The following STARD9 variants were observed in gnomAD, a reference collection of about 807,000 sequenced individuals.
STARD9 encodes stAR-related lipid transfer protein 9.
Under a neutral mutation model 399.8 loss-of-function variants are expected in STARD9, and 346 were observed. The observed-to-expected ratio is 0.87, with a 90% CI of 0.79 to 0.95. The LOEUF is 0.95. Ranked by LOEUF, STARD9 falls within the 40% of genes least tolerant of loss-of-function variation. The pLI is 0.00. For missense variants in STARD9, 5,832 were observed against 5,667.5 expected (o/e 1.03, Z -0.93); for synonymous variants, 2,203 against 2,143.5 (o/e 1.03, Z -0.77).
rs8031218 is a variant in STARD9 at position 42,690,142 on chromosome 15, C to G, written c.8564C>G (p.Thr2855Ser). The G allele has an allele frequency of 5.9e-6, 9 of 1,537,556 alleles. No homozygotes were observed. The highest frequency in any genetic ancestry group is 7.0e-6 in the Non-Finnish European group (8 of 1,146,996). ...EEGRASPKQD[T>S]ILPGALTRVA... The stretch of plus-strand genomic sequence containing the variant: ...GGTAGGGCAAGTCCCAAACAAGATA[C>G]CATTCTGCCTGGAGCTCTGACAAGG... The change falls in exon 23 of 33, where the codon ACC (threonine) becomes AGC (serine). Residue 2855 changes from threonine to serine, a missense_variant. Physicochemically the swap from Thr to Ser is moderately conservative, Grantham distance 58. Transcript: ENST00000290607.
At chr15:42,586,255 A>C (rs983119821) in intron 3 of STARD9, among the ~76,000 whole-genome samples, 2 of 152,206 alleles carry the variant, frequency 1.3e-5, no homozygotes, top group African/African-American at 4.8e-5. Context: ...TTGTCCTCCT[A>C]GGTAGAGTGG....
chr15:42,698,372 C>T (rs1159449296), intron 26 of STARD9, among the ~76,000 whole-genome samples: 3 of 152,174 alleles, frequency 2.0e-5, no homozygotes, highest in Non-Finnish European at 4.4e-5. Flanking sequence ...TTTACCTTTT[C>T]CCACACTCTC....
In STARD9 at chr15:42,675,841, C is replaced by T. The variant is rs79025289; in HGVS notation, c.1771-31C>T. The T allele has an allele frequency of 2.9e-4, 438 of 1,534,712 alleles. 4 individuals are homozygous for T. The African/African-American group carries it at 5.6e-3, about 20-fold the overall frequency. ...CTGGGAGAGGTGGAGGCGATGACAG[C>T]AGCCTCACTGTGCTTTCTTCCTTGT... On this transcript the variant is annotated intron_variant, in intron 19 of 32. Transcript: ENST00000290607.
At position 42,693,611 on chromosome 15, in the gene STARD9, C is replaced by G. The variant is rs144221509; in HGVS notation, c.12033C>G (p.Val4011=). Residue 4011 remains valine (V), a synonymous_variant, in exon 23 of 33, where the codon GTC becomes GTG. Coordinates refer to ENST00000290607, the MANE Select transcript of STARD9 (RefSeq NM_020759.3). ...TTCAGCCCAGGACAACTATCGGGGTCCAAAGCAGACTGCTGCCACCACCAC... is the reference window on the plus strand; with the variant it reads ...TTCAGCCCAGGACAACTATCGGGGTGCAAAGCAGACTGCTGCCACCACCAC... ...QQLQPRTTIG[V]QSRLLPPPLR... 490 of 1,537,242 alleles carry G rather than the reference C, an allele frequency of 3.2e-4. No homozygotes were observed. The African/African-American group carries it at 6.3e-3, about 20-fold the overall frequency.
intron 3 of STARD9, among the ~76,000 whole-genome samples, chr15:42,591,213 C>T (rs1432636170): frequency 2.0e-5 from 3 of 152,146 alleles, no homozygotes; most frequent in Admixed American, 2.0e-4. Context: ...CCAGGCTGAG[C>T]ACAGTGGCTC....
Position 42,686,475 on chromosome 15 carries a change from C to T in STARD9, c.4897C>T (p.Leu1633Phe). Residue 1633 changes from leucine (L) to phenylalanine (F), a missense_variant, in exon 23 of 33, where the codon CTT becomes TTT. Coordinates refer to ENST00000290607, the MANE Select transcript of STARD9 (RefSeq NM_020759.3). Reference protein sequence around the residue: ...EVKQNNLEECLQSCRKPGLMT... With the variant: ...EVKQNNLEECFQSCRKPGLMT... Reference sequence around the variant, plus strand: ...CAAGCAGAACAACTTGGAAGAATGCCTTCAGAGTTGCAGGAAACCTGGACT... The same window carrying T: ...CAAGCAGAACAACTTGGAAGAATGCTTTCAGAGTTGCAGGAAACCTGGACT... The T allele has an allele frequency of 6.5e-7, 1 of 1,537,780 alleles. No individual in the cohort carries two copies. The highest frequency in any genetic ancestry group is 8.7e-7 in the Non-Finnish European group (1 of 1,147,042).
Position 42,682,230 on chromosome 15 carries a change from C to A in STARD9, c.2192C>A (p.Pro731His), listed in dbSNP as rs1431085753. 1 of 1,537,244 alleles carries A rather than the reference C, an allele frequency of 6.5e-7. No individual in the cohort carries two copies. The highest frequency in any genetic ancestry group is 8.7e-7 in the Non-Finnish European group (1 of 1,146,896). The change falls in exon 22 of 33, where the codon CCT becomes CAT. Residue 731 changes from proline (P) to histidine (H), a missense_variant. Pro to His is a moderately conservative substitution (Grantham distance 77). This residue lies in a region of STARD9 where 5,828 missense variants were observed against 5,651.1 expected (regional missense o/e 1.03). Coordinates refer to ENST00000290607, the MANE Select transcript of STARD9 (RefSeq NM_020759.3). The stretch of plus-strand genomic sequence containing the variant: ...CTTGATGCTTGGCTTCAGACAGATC[C>A]TGAGATTCAGCCATCCCCATTTGTC... ...VALDAWLQTD[P>H]EIQPSPFVQS... is the part of the protein sequence containing the mutation.
chr15:42,691,508 A>G lies in STARD9; in HGVS notation c.9930A>G (p.Thr3310=), dbSNP rs1324465313. The part of the protein sequence containing the change: ...PNHRGSLPVT[T]IFSGPKHSRS... ...ACAGGGGCTCACTTCCTGTGACTAC[A>G]ATCTTCTCTGGCCCCAAACACTCCA... Residue 3310 remains threonine (T), a synonymous_variant, in exon 23 of 33, where the codon ACA becomes ACG. Coordinates refer to ENST00000290607, the MANE Select transcript of STARD9 (RefSeq NM_020759.3). 6.5e-7 allele frequency: 1 copy of G among 1,537,146 alleles called. No homozygotes were observed. The highest frequency in any genetic ancestry group is 8.7e-7 in the Non-Finnish European group (1 of 1,146,880).
chr15:42,588,419 C>G (rs1429454017), intron 3 of STARD9, among the ~76,000 whole-genome samples: 1 of 152,170 alleles, frequency 6.6e-6, no homozygotes. Context: ...GAGATCCAGA[C>G]AGGAAGCCTG....
At chr15:42,675,832 C>T (rs1042653433) in intron 19 of STARD9, 40 bp from the exon 20 acceptor site, 22 of 1,534,068 alleles carry the variant, frequency 1.4e-5, no homozygotes, top group African/African-American at 2.7e-5. Flanking sequence ...GAGGTGGAGG[C>T]GATGACAGCA....
At chr15:42,711,466 T>G (rs1046638027) in intron 26 of STARD9, among the ~76,000 whole-genome samples, 2 of 152,152 alleles carry the variant, frequency 1.3e-5, no homozygotes, top group African/African-American at 4.8e-5. Context: ...ATAAGGACAT[T>G]AGTCATTGGA....
At chr15:42,606,197 A>G (rs555617771) in intron 3 of STARD9, among the ~76,000 whole-genome samples, 2 of 152,168 alleles carry the variant, frequency 1.3e-5, no homozygotes, top group Non-Finnish European at 2.9e-5. Context: ...TGTTTTACAG[A>G]TGTGCTTACT....
At chr15:42,593,698 C>G (rs1186062172) in intron 3 of STARD9, among the ~76,000 whole-genome samples, 1 of 108,122 alleles carries the variant, frequency 9.2e-6, no homozygotes. Context: ...GAGTCTCACT[C>G]TGTTGCCCAG....
At chr15:42,610,364 C>A (rs189278086) in intron 3 of STARD9, among the ~76,000 whole-genome samples, 1 of 152,112 alleles carries the variant, frequency 6.6e-6, no homozygotes, top group Non-Finnish European at 1.5e-5. Flanking sequence ...AGCCCTCTTT[C>A]CTTTCGGCAG....
In STARD9 at chr15:42,688,170, C is replaced by G; in HGVS notation, c.6592C>G (p.Leu2198Val). ...TTCREFTNTS[L>V]HPQRMKALAR... ...TTGCAGAGAGTTCACCAACACTTCT[C>G]TTCACCCACAGAGAATGAAAGCATT... Residue 2198 changes from leucine to valine, a missense_variant, in exon 23 of 33, where the codon CTT becomes GTT. By Grantham distance (32) the Leu-to-Val change is conservative. This residue lies in a region of STARD9 where 5,828 missense variants were observed against 5,651.1 expected (regional missense o/e 1.03). Coordinates refer to ENST00000290607, the MANE Select transcript of STARD9 (RefSeq NM_020759.3). The G allele has an allele frequency of 6.5e-7, 1 of 1,537,526 alleles. No homozygotes were observed. The highest frequency in any genetic ancestry group is 1.2e-5 in the South Asian group (1 of 84,060).
intron 8 of STARD9, 45 bp from the exon 9 acceptor site, chr15:42,652,475 T>A: frequency 1.4e-6 from 2 of 1,464,324 alleles, no homozygotes; most frequent in Non-Finnish European, 1.9e-6. Flanking sequence ...GAATCCACCA[T>A]GTGTAAACAA....
At chr15:42,640,393 A>G (rs1428775451) in intron 7 of STARD9, among the ~76,000 whole-genome samples, 2 of 152,176 alleles carry the variant, frequency 1.3e-5, no homozygotes, top group Admixed American at 6.5e-5. Flanking sequence ...AACAACAACA[A>G]AAACACCATT....
At chr15:42,585,672 T>C in intron 3 of STARD9, 35 bp downstream of exon 3, 1 of 1,274,484 alleles carries the variant, frequency 7.8e-7, no homozygotes, top group Non-Finnish European at 1.1e-6. Context: ...TCACCTCAGT[T>C]CTTTTTTTAT....
intron 3 of STARD9, among the ~76,000 whole-genome samples, chr15:42,631,033 G>T: frequency 6.7e-6 from 1 of 150,106 alleles, no homozygotes; most frequent in South Asian, 2.1e-4. Flanking sequence ...TATATTGCAA[G>T]AGTTTATAGA....
Sources: allele counts gnomAD v4.1 joint callset (sites outside exome capture counted in the v4.1 genomes callset), GRCh38; gene constraint gnomAD v4.1.1; regional missense constraint gnomAD v4.1.1; transcripts MANE v1.5; gene names NCBI Gene and HGNC (gene_info 2026-07-23, HGNC 2026-07-21).